Variants in FNDC3B observed in about 807,000 individuals in gnomAD.
The protein encoded by FNDC3B is fibronectin type III domain containing 3B.
Under a neutral mutation model 151.5 loss-of-function variants are expected in FNDC3B, and 12 were observed. That is an observed-to-expected ratio of 0.08 (90% CI 0.05 to 0.13). The LOEUF (loss-of-function observed/expected upper bound fraction) is 0.13, where lower values mean the gene tolerates loss of function less well. Ranked by LOEUF, FNDC3B falls within the 10% of genes least tolerant of loss-of-function variation. FNDC3B has a pLI of 1.00. For missense variants in FNDC3B, 1,214 were observed against 1,505.3 expected, an observed-to-expected ratio of 0.81 and a Z score of 3.20; for synonymous variants, 528 against 549.0, an observed-to-expected ratio of 0.96 and a Z score of 0.54.
intron 21 of FNDC3B, 93 bp downstream of exon 21, chr3:172,347,454 G>A: frequency 3.2e-6 from 3 of 928,716 alleles, no homozygotes; most frequent in East Asian, 2.8e-5. Context: ...GGTGGAGGCT[G>A]TCAGGAGGGA....
chr3:172,069,163 C>A (rs1185921216), intron 1 of FNDC3B, among the ~76,000 whole-genome samples: 1 of 152,134 alleles, frequency 6.6e-6, no homozygotes, highest in Non-Finnish European at 1.5e-5. Flanking sequence ...TGGTAACCTC[C>A]CGGTGAGTTT....
chr3:172,084,532 G>A (rs1211777475), intron 1 of FNDC3B, among the ~76,000 whole-genome samples: 1 of 146,650 alleles, frequency 6.8e-6, no homozygotes, highest in East Asian at 2.0e-4. Flanking sequence ...AGATTTATGA[G>A]GCAGTATTAT....
intron 3 of FNDC3B, among the ~76,000 whole-genome samples, chr3:172,170,093 G>A (rs1046319315): frequency 1.5e-4 from 23 of 152,080 alleles, no homozygotes; most frequent in Non-Finnish European, 3.1e-4. Context: ...TATTTAAAAG[G>A]TATATTAAAA....
chr3:172,352,883 C>T lies in FNDC3B; in HGVS notation c.2595C>T (p.Ser865=), dbSNP rs748036776. The change falls in exon 22 of 26, where the codon TCC becomes TCT. Residue 865 remains serine, a synonymous_variant. Transcript: ENST00000415807. This position sits in a 1 kb window ranked among gnomAD's most constrained non-coding sequence, Gnocchi z 4.2. The part of the protein sequence containing the change: ...QTPASAPDPV[S]TLCVLEEEPL... Reference sequence around the variant, plus strand: ...CAGCGTCTGCCCCTGACCCCGTCTCCACTCTCTGTGTCCTGGAGGAGGAGC... The same window carrying T: ...CAGCGTCTGCCCCTGACCCCGTCTCTACTCTCTGTGTCCTGGAGGAGGAGC... 1 of 1,614,224 alleles carries T rather than the reference C, an allele frequency of 6.2e-7. No individual in the cohort carries two copies. Among genetic ancestry groups the T allele is most frequent in the Admixed American group, 1.7e-5 (1 of 60,036 alleles).
intron 1 of FNDC3B, among the ~76,000 whole-genome samples, chr3:172,102,942 G>A (rs1165405177): frequency 6.6e-6 from 1 of 152,142 alleles, no homozygotes; most frequent in Non-Finnish European, 1.5e-5. Flanking sequence ...TGGATGCTGT[G>A]ACCAGGTTAG....
intron 25 of FNDC3B, among the ~76,000 whole-genome samples, chr3:172,389,533 A>G (rs1294999469): frequency 1.3e-5 from 2 of 152,216 alleles, no homozygotes; most frequent in Admixed American, 1.3e-4. Context: ...TAGAAAAACT[A>G]TTAGAACATA....
Position 172,230,259 on chromosome 3 carries a change from G to A in FNDC3B, c.264+3312G>A, listed in dbSNP as rs144901000. On this transcript the variant is annotated intron_variant, in intron 4 of 25. Transcript: ENST00000415807. ...TGTAATCCCAACACTTTGGGAGGCC[G>A]AGGCAGGTGGATCATTTGAGGTCTG... is the stretch of plus-strand genomic sequence containing the variant. 6.4e-3 allele frequency among the ~76,000 whole-genome samples: 971 copies of A among 151,962 alleles called. 47 individuals carry two copies. The East Asian group carries it at 0.13, about 21-fold the overall frequency.
intron 3 of FNDC3B, among the ~76,000 whole-genome samples, chr3:172,201,049 C>T (rs1252880422): frequency 6.6e-6 from 1 of 152,172 alleles, no homozygotes; most frequent in Non-Finnish European, 1.5e-5. Flanking sequence ...TGGAAACCAA[C>T]TTCTTTATGG....
chr3:172,079,955 AGG>A (rs1485988361), intron 1 of FNDC3B, among the ~76,000 whole-genome samples: 2 of 152,230 alleles, frequency 1.3e-5, no homozygotes, highest in African/African-American at 4.8e-5. Context: ...GATCACAAAC[AGG>A]GTCCTAAAAC....
intron 4 of FNDC3B, among the ~76,000 whole-genome samples, chr3:172,233,660 A>C (rs1726996680): frequency 6.6e-6 from 1 of 152,150 alleles, no homozygotes; most frequent in African/African-American, 2.4e-5. Context: ...ACAGCTGGGG[A>C]TTAAACCACT....
At chr3:172,190,292 G>A (rs1042579676) in intron 3 of FNDC3B, among the ~76,000 whole-genome samples, 2 of 152,198 alleles carry the variant, frequency 1.3e-5, no homozygotes, top group Non-Finnish European at 2.9e-5. Flanking sequence ...AATTCAGATA[G>A]CAGCGTGTCC....
chr3:172,331,832 A>G (rs1471333328), intron 13 of FNDC3B, among the ~76,000 whole-genome samples: 1 of 152,208 alleles, frequency 6.6e-6, no homozygotes, highest in African/African-American at 2.4e-5. Context: ...ATCACACTGT[A>G]GAACAGCACC....
intron 3 of FNDC3B, among the ~76,000 whole-genome samples, chr3:172,182,973 G>A (rs1490001892): frequency 6.6e-6 from 1 of 152,224 alleles, no homozygotes; most frequent in African/African-American, 2.4e-5. Flanking sequence ...TGTCTATTTG[G>A]CAAGTCAAAG....
At chr3:172,286,011 A>C in intron 7 of FNDC3B, 27 bp downstream of exon 7, 2 of 1,561,650 alleles carry the variant, frequency 1.3e-6, no homozygotes, top group South Asian at 1.2e-5. Context: ...TCTCAGCATA[A>C]ATGACACTTT....
intron 5 of FNDC3B, among the ~76,000 whole-genome samples, chr3:172,250,010 G>A (rs1415045347): frequency 6.6e-6 from 1 of 152,050 alleles, no homozygotes; most frequent in Non-Finnish European, 1.5e-5. Context: ...TTCAGATTTG[G>A]ATGGTAATTT....
At chr3:172,367,800 T>A (rs967640502) in intron 23 of FNDC3B, among the ~76,000 whole-genome samples, 1 of 152,202 alleles carries the variant, frequency 6.6e-6, no homozygotes, top group Admixed American at 6.5e-5. Context: ...AATCTGTTGT[T>A]GAGGTTTAGT....
intron 3 of FNDC3B, among the ~76,000 whole-genome samples, chr3:172,175,107 C>T (rs555358346): frequency 2.9e-4 from 44 of 151,834 alleles, no homozygotes; most frequent in Non-Finnish European, 6.3e-4. Context: ...TGCTGCATTC[C>T]CTGGATTTGT....
intron 22 of FNDC3B, among the ~76,000 whole-genome samples, chr3:172,358,578 A>AAG (rs1734208228): frequency 6.6e-6 from 1 of 152,214 alleles, no homozygotes; most frequent in South Asian, 2.1e-4. Flanking sequence ...AGGTGGTGTA[A>AAG]TAGTGCAGCC....
intron 3 of FNDC3B, among the ~76,000 whole-genome samples, chr3:172,142,178 T>C (rs187286268): frequency 1.0e-3 from 154 of 152,318 alleles, no homozygotes; most frequent in Admixed American, 3.1e-3. Flanking sequence ...TAGGAGTGAT[T>C]ACTAAGCTTT....
Sources: gnomAD v4.1 joint callset for allele counts (sites outside exome capture counted in the v4.1 genomes callset) on GRCh38, gnomAD v4.1.1 for gene constraint, Gnocchi (gnomAD v3.1) non-coding constraint, MANE v1.5 for transcripts, NCBI Gene and HGNC (gene_info 2026-07-23, HGNC 2026-07-21) for gene names.